Variants in BTBD16 observed in about 807,000 individuals in gnomAD.
BTBD16 encodes BTB domain containing 16.
Under a neutral mutation model 67.4 loss-of-function variants are expected in BTBD16, and 66 were observed. The observed-to-expected ratio is 0.98, with a 90% CI of 0.80 to 1.20. The LOEUF (loss-of-function observed/expected upper bound fraction) is 1.20, where lower values mean the gene tolerates loss of function less well. BTBD16 is among the 50% of genes most tolerant of loss of function. BTBD16 has a pLI of 0.00. For missense variants in BTBD16, 634 were observed against 616.0 expected (o/e 1.03, Z -0.31); for synonymous variants, 242 against 236.4 (o/e 1.02, Z -0.22).
At chr10:122,312,051 G>A (rs1452005056) in intron 10 of BTBD16, among the ~76,000 whole-genome samples, 2 of 152,148 alleles carry the variant, frequency 1.3e-5, no homozygotes, top group Non-Finnish European at 2.9e-5. Context: ...TCAGCCACTA[G>A]GAATAGTATT....
intron 7 of BTBD16, 127 bp downstream of exon 7, chr10:122,291,321 C>A: frequency 8.1e-7 from 1 of 1,231,748 alleles, no homozygotes; most frequent in Non-Finnish European, 1.1e-6. Context: ...TTGTGCCAAG[C>A]ATGGCCTTGA....
At chr10:122,308,216 A>G (rs1420776676) in intron 10 of BTBD16, among the ~76,000 whole-genome samples, 1 of 152,156 alleles carries the variant, frequency 6.6e-6, no homozygotes, top group East Asian at 1.9e-4. Flanking sequence ...TGTGTTTTTA[A>G]TATGGAAGAA....
intron 10 of BTBD16, 117 bp from the exon 11 acceptor site, chr10:122,329,363 C>T: frequency 2.2e-6 from 2 of 900,172 alleles, no homozygotes; most frequent in Admixed American, 2.1e-5. Flanking sequence ...ACCGAGGCCC[C>T]ATCTCCCCCT....
chr10:122,336,441 C>T (rs1268570497), intron 14 of BTBD16, 53 bp from the exon 15 acceptor site: 4 of 1,498,974 alleles, frequency 2.7e-6, no homozygotes, highest in Non-Finnish European at 3.6e-6. Flanking sequence ...CTTTCCCTAA[C>T]TCTGGGCCAC....
Position 122,317,664 on chromosome 10 carries a change from C to CAAAAAAAAACA in BTBD16, c.911+10364_911+10365insACAAAAAAAAA, listed in dbSNP as rs55680223. 4.0e-5 allele frequency among the ~76,000 whole-genome samples: 6 copies of CAAAAAAAAACA among 150,862 alleles called. No individual in the cohort carries two copies. In the South Asian group the frequency reaches 6.3e-4, roughly 16 times the overall value. On this transcript the variant is annotated intron_variant, in intron 10 of 15. Coordinates refer to ENST00000260723, the MANE Select transcript of BTBD16 (RefSeq NM_144587.5). Reference sequence around the variant, plus strand: ...TCTGTCTCAAAAAAACACAAAAAAACAAAAAAAACAAAAAAACAACAAAAA... The same window carrying CAAAAAAAAACA: ...TCTGTCTCAAAAAAACACAAAAAAACAAAAAAAAACAAAAAAAAACAAAAAAACAACAAAAA...
At chr10:122,272,051 G>A (rs948193034) in intron 1 of BTBD16, among the ~76,000 whole-genome samples, 2 of 152,186 alleles carry the variant, frequency 1.3e-5, no homozygotes, top group African/African-American at 4.8e-5. Flanking sequence ...GCAGTGGGAA[G>A]CTGGTGAAGG....
Position 122,299,069 on chromosome 10 carries a change from G to T in BTBD16, c.726G>T (p.Gly242=). 2 of 1,613,992 alleles carry T rather than the reference G, an allele frequency of 1.2e-6. No homozygotes were observed. ...KWLEMNLVPL[G]GTQIHLHKIP... is the part of the protein sequence containing the mutation. ...TGGAAATGAACTTGGTTCCTCTAGG[G>T]GGGACGCAGATCCACCTCCACAAAA... The change falls in exon 9 of 16, where the codon GGG becomes GGT. Residue 242 remains glycine, a synonymous_variant. Transcript: ENST00000260723.
intron 9 of BTBD16, among the ~76,000 whole-genome samples, chr10:122,300,946 A>G (rs1316543230): frequency 6.6e-6 from 1 of 152,244 alleles, no homozygotes; most frequent in Non-Finnish European, 1.5e-5. Context: ...GCTATGTAGC[A>G]TGCAATGCCC....
chr10:122,304,269 C>T (rs2096399285), intron 9 of BTBD16, among the ~76,000 whole-genome samples: 1 of 152,214 alleles, frequency 6.6e-6, no homozygotes, highest in Non-Finnish European at 1.5e-5. Context: ...GACAGTTTTA[C>T]TCTGTTCAGA....
intron 10 of BTBD16, among the ~76,000 whole-genome samples, chr10:122,310,429 CTCCAGCTGCCCCG>C (rs2096411710): frequency 1.3e-5 from 2 of 152,178 alleles, no homozygotes; most frequent in Non-Finnish European, 2.9e-5. Context: ...GGCCGGAGGG[CTCCAGCTGCCCCG>C]AGGTACCTCT....
chr10:122,278,349 C>A (rs1392917779), intron 3 of BTBD16, among the ~76,000 whole-genome samples: 4 of 152,162 alleles, frequency 2.6e-5, no homozygotes, highest in African/African-American at 9.7e-5. Context: ...ATTCTGTGAC[C>A]TTTAGTCAGT....
chr10:122,332,831 G>C, intron 13 of BTBD16: 1 of 985,368 alleles, frequency 1.0e-6, no homozygotes. Context: ...AACTGGGAAG[G>C]GTTGGTCTTT....
chr10:122,298,238 G>A (rs551544019), intron 8 of BTBD16, among the ~76,000 whole-genome samples: 1 of 152,302 alleles, frequency 6.6e-6, no homozygotes, highest in African/African-American at 2.4e-5. Flanking sequence ...GAGCCAAGGA[G>A]GGCAGCAGCC....
intron 10 of BTBD16, among the ~76,000 whole-genome samples, chr10:122,317,627 A>G (rs1198938976): frequency 6.6e-6 from 1 of 152,046 alleles, no homozygotes; most frequent in Non-Finnish European, 1.5e-5. Flanking sequence ...AGCCTGGGTG[A>G]CAGAGCGAGA....
At chr10:122,328,650 C>T (rs1465614499) in intron 10 of BTBD16, 1 of 543,148 alleles carries the variant, frequency 1.8e-6, no homozygotes, top group Non-Finnish European at 2.3e-6. Flanking sequence ...CTGGGTGGGT[C>T]CTATGCAGGC....
At chr10:122,306,727 T>G (rs1223040336) in intron 9 of BTBD16, among the ~76,000 whole-genome samples, 1 of 152,174 alleles carries the variant, frequency 6.6e-6, no homozygotes, top group East Asian at 1.9e-4. Flanking sequence ...TGTAATATAT[T>G]AGAATTAAAA....
chr10:122,320,939 A>G (rs2096434384), intron 10 of BTBD16, among the ~76,000 whole-genome samples: 1 of 152,246 alleles, frequency 6.6e-6, no homozygotes, highest in Middle Eastern at 3.4e-3. Flanking sequence ...GGTGCGGTAC[A>G]ATGGACCCTG....
At chr10:122,335,114 G>A (rs570843082) in intron 14 of BTBD16, 135 bp downstream of exon 14, 102 of 536,260 alleles carry the variant, frequency 1.9e-4, no homozygotes, top group South Asian at 1.1e-3. Flanking sequence ...TGCTAACCAC[G>A]CTCATGTATG....
At position 122,338,111 on chromosome 10, in the gene BTBD16, T is replaced by C. The variant is rs915340043; in HGVS notation, c.*26T>C. The C allele has an allele frequency of 2.6e-6, 4 of 1,535,140 alleles. No homozygotes were observed. The highest frequency in any genetic ancestry group is 3.6e-6 in the Non-Finnish European group (4 of 1,109,014). ...CAGTTTCCAGAAGAATCTATGGGAT[T>C]TTCCCCCCACTGGTCTGCATAAAAG... On this transcript the variant is annotated 3_prime_UTR_variant, in exon 16 of 16. Transcript: ENST00000260723.
Sources: allele counts gnomAD v4.1 joint callset (sites outside exome capture counted in the v4.1 genomes callset), GRCh38; gene constraint gnomAD v4.1.1; transcripts MANE v1.5; gene names NCBI Gene and HGNC (gene_info 2026-07-23, HGNC 2026-07-21).